Variants in CADM2 observed in about 807,000 individuals in gnomAD.
The protein encoded by CADM2 is immunoglobulin superfamily member 4D.
In CADM2, 12 loss-of-function variants were observed where a neutral mutation model predicts 49.8. The ratio of observed to expected loss-of-function variants is 0.24; its 90% CI spans 0.15 to 0.39. The LOEUF is 0.39. Among genes scored for constraint, CADM2 ranks in the 10% least tolerant of loss-of-function variants. The probability of loss-of-function intolerance (pLI) is 1.00; values close to 1 mark genes in which losing one functional copy is unlikely to be tolerated. For synonymous variants in CADM2, 214 were observed against 175.4 expected (o/e 1.22, Z -1.74); for missense variants, 378 against 492.3 (o/e 0.77, Z 2.20).
intron 1 of CADM2, among the ~76,000 whole-genome samples, chr3:85,303,484 T>C (rs1405586196): frequency 6.6e-6 from 1 of 151,878 alleles, no homozygotes; most frequent in Non-Finnish European, 1.5e-5. Context: ...ATTGATGAAA[T>C]TGGGAAGACA....
chr3:85,204,312 A>G (rs569763712), intron 1 of CADM2, among the ~76,000 whole-genome samples: 1 of 152,168 alleles, frequency 6.6e-6, no homozygotes, highest in African/African-American at 2.4e-5. Flanking sequence ...TTTTTGTAGG[A>G]ATAAAATTCC....
chr3:85,134,388 G>A (rs142110393), intron 1 of CADM2, among the ~76,000 whole-genome samples: 1 of 152,362 alleles, frequency 6.6e-6, no homozygotes, highest in African/African-American at 2.4e-5. Context: ...GAGAGCGAGC[G>A]AGGGCCGTGG....
chr3:85,468,045 T>C (rs1020022824), intron 1 of CADM2, among the ~76,000 whole-genome samples: 13 of 148,948 alleles, frequency 8.7e-5, no homozygotes, highest in Non-Finnish European at 1.8e-4. Flanking sequence ...TCCCAGCTAC[T>C]TGGGAGGCTG....
intron 3 of CADM2, among the ~76,000 whole-genome samples, chr3:85,881,285 T>A (rs1027646892): frequency 3.9e-5 from 6 of 152,138 alleles, no homozygotes; most frequent in African/African-American, 1.2e-4. Flanking sequence ...CTGTTTTTTT[T>A]ATTTGTGTCA....
At position 85,981,638 on chromosome 3, in the gene CADM2, T is replaced by C. The variant is rs75671963; in HGVS notation, c.970+19991T>C. 2.8e-3 allele frequency among the ~76,000 whole-genome samples: 431 copies of C among 151,726 alleles called. 1 individual carries two copies. Among genetic ancestry groups the C allele is most frequent in the Non-Finnish European group, 4.3e-3 (289 of 67,756 alleles). On this transcript the variant is annotated intron_variant, in intron 8 of 9. Coordinates refer to ENST00000383699, the MANE Select transcript of CADM2 (RefSeq NM_001167675.2). ...GTTTTCTGTTCCACATTAATTTGCT[T>C]AGAATAATGGCCTGCAGCTGCATCT...
At chr3:85,056,045 G>A (rs755826682) in intron 1 of CADM2, among the ~76,000 whole-genome samples, 6 of 152,014 alleles carry the variant, frequency 3.9e-5, no homozygotes, top group Non-Finnish European at 7.4e-5. Flanking sequence ...CCATATAAAT[G>A]TGAACAGTAG....
chr3:85,482,456 G>A (rs987571155), intron 1 of CADM2, among the ~76,000 whole-genome samples: 2 of 151,618 alleles, frequency 1.3e-5, no homozygotes, highest in African/African-American at 4.8e-5. Context: ...AAGGCCCTGA[G>A]TTACCGAGTA....
chr3:85,719,494 T>C (rs1475541144), intron 1 of CADM2, among the ~76,000 whole-genome samples: 1 of 152,208 alleles, frequency 6.6e-6, no homozygotes, highest in Non-Finnish European at 1.5e-5. Flanking sequence ...ACATATTTTG[T>C]ATATGTATCA....
intron 1 of CADM2, among the ~76,000 whole-genome samples, chr3:85,701,480 A>AT (rs35098652): frequency 0.25 from 37,801 of 150,230 alleles, 4,720 homozygotes; most frequent in South Asian, 0.34. Context: ...ATTAGGCTGT[A>AT]TTTTTTTTTT....
chr3:85,067,538 T>C (rs1232510489), intron 1 of CADM2, among the ~76,000 whole-genome samples: 5 of 152,180 alleles, frequency 3.3e-5, no homozygotes, highest in Non-Finnish European at 7.3e-5. Flanking sequence ...GGGAACAGTA[T>C]GGTATCTGGG....
intron 3 of CADM2, among the ~76,000 whole-genome samples, chr3:85,859,197 G>A (rs115913707): frequency 6.8e-6 from 1 of 147,136 alleles, no homozygotes; most frequent in African/African-American, 2.5e-5. Flanking sequence ...ATATATACAA[G>A]CTACCTTGTG....
chr3:85,793,242 ATAAATTAAGAACATTAT>A (rs1334753287), intron 2 of CADM2, among the ~76,000 whole-genome samples: 1 of 152,164 alleles, frequency 6.6e-6, no homozygotes. Flanking sequence ...TTTCATGGCA[ATAAATTAAGAACATTAT>A]TTCTGCATAA....
intron 3 of CADM2, among the ~76,000 whole-genome samples, chr3:85,827,527 A>C (rs187183489): frequency 6.6e-6 from 1 of 152,072 alleles, no homozygotes; most frequent in Admixed American, 6.6e-5. Flanking sequence ...CAGTAAATTA[A>C]GCAATGGGGG....
At chr3:85,152,677 G>A (rs1285779999) in intron 1 of CADM2, among the ~76,000 whole-genome samples, 1 of 152,096 alleles carries the variant, frequency 6.6e-6, no homozygotes, top group African/African-American at 2.4e-5. Context: ...AAAATGTAAG[G>A]CTGGGCACGG....
chr3:86,020,163 C>T lies in CADM2; in HGVS notation c.971-45442C>T, dbSNP rs1265239449. Among the ~76,000 whole-genome samples the T allele has an allele frequency of 4.6e-5, 7 of 152,068 alleles. No individual in the cohort carries two copies. In the East Asian group the frequency reaches 5.8e-4, roughly 13 times the overall value. Reference sequence around the variant, plus strand: ...AAAATGATAAAGGGGATGTCACCACCGATCCCACAGAAATACAAACTACCA... The same window carrying T: ...AAAATGATAAAGGGGATGTCACCACTGATCCCACAGAAATACAAACTACCA... On this transcript the variant is annotated intron_variant, in intron 8 of 9. Transcript: ENST00000383699.
At chr3:85,223,968 G>A (rs1349409954) in intron 1 of CADM2, among the ~76,000 whole-genome samples, 1 of 152,144 alleles carries the variant, frequency 6.6e-6, no homozygotes, top group Non-Finnish European at 1.5e-5. Flanking sequence ...ATTCCATTGT[G>A]TATATGTGCC....
intron 1 of CADM2, among the ~76,000 whole-genome samples, chr3:85,044,330 A>G (rs77833524): frequency 6.6e-6 from 1 of 152,170 alleles, no homozygotes; most frequent in Admixed American, 6.6e-5. Context: ...CCATAAAAAA[A>G]GACCTGGGTA....
intron 1 of CADM2, among the ~76,000 whole-genome samples, chr3:85,664,040 G>A (rs1577044434): frequency 6.6e-6 from 1 of 151,902 alleles, no homozygotes; most frequent in Non-Finnish European, 1.5e-5. Context: ...TTATTGATTT[G>A]CCAGCCACAA....
chr3:85,468,247 C>A (rs2038607492), intron 1 of CADM2, among the ~76,000 whole-genome samples: 1 of 151,168 alleles, frequency 6.6e-6, no homozygotes, highest in South Asian at 2.1e-4. Context: ...GCATGTTCTC[C>A]CTGTGTCTGC....
Sources: gnomAD v4.1 joint callset for allele counts (sites outside exome capture counted in the v4.1 genomes callset) on GRCh38, gnomAD v4.1.1 for gene constraint, MANE v1.5 for transcripts, NCBI Gene and HGNC (gene_info 2026-07-23, HGNC 2026-07-21) for gene names.